Variants in RARRES2 observed in about 807,000 individuals in gnomAD.
RARRES2 encodes retinoic acid receptor responder protein 2.
Under a neutral mutation model 17.9 loss-of-function variants are expected in RARRES2, and 12 were observed. The observed-to-expected ratio is 0.67, with a 90% confidence interval of 0.43 to 1.08. RARRES2 has a LOEUF of 1.08. Among genes scored for constraint, RARRES2 ranks in the 50% least tolerant of loss-of-function variants. RARRES2 has a pLI of 0.00. For synonymous variants in RARRES2, 82 were observed against 86.8 expected (o/e 0.94, Z 0.31); for missense variants, 220 against 210.1 (o/e 1.05, Z -0.29).
At chr7:150,340,735 T>A in intron 1 of RARRES2, 106 bp from the exon 2 acceptor site, 7 of 956,262 alleles carry the variant, frequency 7.3e-6, no homozygotes, top group Non-Finnish European at 1.0e-5. Context: ...GGTCCAGGCC[T>A]GTAGAACGCT....
chr7:150,340,916 C>G (rs2129618623), intron 1 of RARRES2: 1 of 296,288 alleles, frequency 3.4e-6, no homozygotes, highest in African/African-American at 2.2e-5. Context: ...CCACCCTACA[C>G]CCCTAATCTT....
Position 150,338,969 on chromosome 7 carries a change from C to T in RARRES2, c.375+17G>A. 1 of 1,584,000 alleles carries T rather than the reference C, an allele frequency of 6.3e-7. No homozygotes were observed. Among genetic ancestry groups the T allele is most frequent in the Non-Finnish European group, 8.7e-7 (1 of 1,152,676 alleles). ...TCCCAGCCCTGTCACCACCTGTGCA[C>T]CCTTGCCCCTTCTTACCCGCAGAAC... On this transcript the variant is annotated intron_variant, in intron 4 of 5. Transcript: ENST00000223271.
chr7:150,340,215 AC>A lies in RARRES2; in HGVS notation c.175-12del. ...TCCAGCTGGGAAGGGCTGCGGACAGACAGGCAGGCAGAGGATGGCCGGTAGC... is the reference window on the plus strand; with the variant it reads ...TCCAGCTGGGAAGGGCTGCGGACAGAAGGCAGGCAGAGGATGGCCGGTAGC... On this transcript the variant is annotated splice_polypyrimidine_tract_variant and intron_variant, in intron 2 of 5. Coordinates refer to ENST00000223271, the MANE Select transcript of RARRES2 (RefSeq NM_002889.4). 6.2e-7 allele frequency: 1 copy of A among 1,613,636 alleles called. No individual in the cohort carries two copies. Among genetic ancestry groups the A allele is most frequent in the East Asian group, 2.2e-5 (1 of 44,882 alleles).
In RARRES2 at chr7:150,338,333, A is replaced by G. The variant is rs961642752; in HGVS notation, c.*117T>C. ...CACAAGGAGCTGAGAGGCAGCTGGGAGAGCAGCTTTATTATCATGGCTGGG... is the reference window on the plus strand; with the variant it reads ...CACAAGGAGCTGAGAGGCAGCTGGGGGAGCAGCTTTATTATCATGGCTGGG... On this transcript the variant is annotated 3_prime_UTR_variant, in exon 6 of 6. Transcript: ENST00000223271. The G allele has an allele frequency of 2.2e-6, 3 of 1,393,772 alleles. No individual in the cohort carries two copies. The highest frequency in any genetic ancestry group is 2.8e-6 in the Non-Finnish European group (3 of 1,056,446). 86.3% of individuals were successfully genotyped at this position (1,393,772 alleles called of 1,614,324 possible).
chr7:150,338,419 T>G lies in RARRES2; in HGVS notation c.*31A>C, dbSNP rs774567887. ...TTCCACTGGTTACCACCCGCAGCGG[T>G]CCTGGAGGCACCACGCATCTCTAGA... is the stretch of plus-strand genomic sequence containing the variant. On this transcript the variant is annotated 3_prime_UTR_variant, in exon 6 of 6. Coordinates refer to ENST00000223271, the MANE Select transcript of RARRES2 (RefSeq NM_002889.4). 6.6e-6 allele frequency: 10 copies of G among 1,520,110 alleles called. No homozygotes were observed. In the South Asian group the frequency reaches 9.6e-5, roughly 15 times the overall value. 94.2% of individuals were successfully genotyped at this position (1,520,110 alleles called of 1,614,324 possible).
chr7:150,339,997 C>T, intron 3 of RARRES2, 103 bp downstream of exon 3: 2 of 1,027,998 alleles, frequency 1.9e-6, no homozygotes, highest in African/African-American at 1.6e-5. Flanking sequence ...ATGGACCTCC[C>T]AATTCATGCA....
chr7:150,338,829 A>C, intron 4 of RARRES2, 88 bp from the exon 5 acceptor site: 1 of 1,570,472 alleles, frequency 6.4e-7, no homozygotes, highest in Non-Finnish European at 8.7e-7. Flanking sequence ...TCCCCTCCAC[A>C]TCCCTTGGAG....
At chr7:150,339,683 A>G (rs1474391989) in intron 3 of RARRES2, among the ~76,000 whole-genome samples, 1 of 144,902 alleles carries the variant, frequency 6.9e-6, no homozygotes, top group East Asian at 2.0e-4. Context: ...CAGCCCAGGC[A>G]TCACCCCCAC....
Position 150,339,017 on chromosome 7 carries a change from A to G in RARRES2, c.344T>C (p.Val115Ala). The G allele has an allele frequency of 2.5e-6, 4 of 1,613,018 alleles. No individual in the cohort carries two copies. Among genetic ancestry groups the G allele is most frequent in the Non-Finnish European group, 3.4e-6 (4 of 1,179,066 alleles). Residue 115 changes from valine (V) to alanine (A), a missense_variant, in exon 4 of 6, where the codon GTC becomes GCC. Coordinates refer to ENST00000223271, the MANE Select transcript of RARRES2 (RefSeq NM_002889.4). ...GSEDKVLGRL[V>A]HCPIETQVLR... ...AACTTGGGTCTCTATGGGGCAGTGG[A>G]CCAACCGGCCCAGAACTTTGTCCTC...
In RARRES2 at chr7:150,340,672, G is replaced by C. The variant is rs535178572; in HGVS notation, c.-20-43C>G. The C allele has an allele frequency of 2.9e-5, 41 of 1,426,658 alleles. 1 individual carries two copies. In the South Asian group the frequency reaches 5.3e-4, roughly 18 times the overall value. The allele number at this position is 1,426,658 out of a possible 1,614,324, so 88.4% of individuals were successfully genotyped here. On this transcript the variant is annotated intron_variant, in intron 1 of 5. Coordinates refer to ENST00000223271, the MANE Select transcript of RARRES2 (RefSeq NM_002889.4). The stretch of plus-strand genomic sequence containing the variant: ...GCCCCTCAGCTCTCCGAGCCAGCCC[G>C]AGCCGCCTCCTCCCGCGCCCTGCTC...
chr7:150,340,290 G>T (rs958805255), intron 2 of RARRES2, 86 bp from the exon 3 acceptor site: 4 of 1,551,134 alleles, frequency 2.6e-6, no homozygotes, highest in Non-Finnish European at 2.7e-6. Context: ...CCTCCCTCAC[G>T]CAGTCACATT....
At chr7:150,341,485 A>T (rs1363168488) in intron 1 of RARRES2, 93 bp downstream of exon 1, 1 of 151,556 alleles carries the variant, frequency 6.6e-6, no homozygotes, top group Non-Finnish European at 1.5e-5. Context: ...AAGAGCTGCC[A>T]GGGTGGTCGC....
rs778530572 is a variant in RARRES2, at chr7:150,340,572, C to A, written c.38G>T (p.Gly13Val). The part of the protein sequence containing the change: ...RLLIPLALWL[G>V]AVGVGVAELT... ...CTCGGCGACGCCCACGCCCACCGCA[C>A]CCAGCCACAGGGCCAGAGGGATCAG... Residue 13 changes from glycine (G) to valine (V), a missense_variant, in exon 2 of 6, where the codon GGT (glycine) becomes GTT (valine). Coordinates refer to ENST00000223271, the MANE Select transcript of RARRES2 (RefSeq NM_002889.4). 1.9e-6 allele frequency: 3 copies of A among 1,562,398 alleles called. No individual in the cohort carries two copies. The East Asian group carries it at 7.1e-5, about 37-fold the overall frequency.
intron 3 of RARRES2, 61 bp from the exon 4 acceptor site, chr7:150,339,142 C>T: frequency 1.4e-6 from 2 of 1,473,942 alleles, no homozygotes; most frequent in Non-Finnish European, 9.5e-7. Context: ...GCCTGGGCAT[C>T]ATGAGGGTGG....
rs1047586 is a variant in RARRES2, at chr7:150,338,370, T to G, written c.*80A>C. 0.26 allele frequency: 383,220 copies of G among 1,473,262 alleles called. 50,990 individuals are homozygous for G. Among genetic ancestry groups the G allele is most frequent in the East Asian group, 0.33 (11,655 of 35,044 alleles). The allele number at this position is 1,473,262 out of a possible 1,614,324, so 91.3% of individuals were successfully genotyped here. Reference sequence around the variant, plus strand: ...TTATCATGGCTGGGGATAGAACGGGTTCCTCTCCCTGGGGGCTGGGGTCTT... The same window carrying G: ...TTATCATGGCTGGGGATAGAACGGGGTCCTCTCCCTGGGGGCTGGGGTCTT... On this transcript the variant is annotated 3_prime_UTR_variant, in exon 6 of 6. Coordinates refer to ENST00000223271, the MANE Select transcript of RARRES2 (RefSeq NM_002889.4).
At chr7:150,340,862 A>T (rs1798471806) in intron 1 of RARRES2, 1 of 420,778 alleles carries the variant, frequency 2.4e-6, no homozygotes, top group South Asian at 5.1e-5. Context: ...CTGCAGTTTT[A>T]GCAAAGTTCC....
intron 2 of RARRES2, 22 bp downstream of exon 2, chr7:150,340,414 C>T (rs368891990): frequency 2.0e-5 from 31 of 1,579,666 alleles, no homozygotes; most frequent in Non-Finnish European, 2.6e-5. Flanking sequence ...CTCCCCGCTC[C>T]TGCCCGGGCC....
chr7:150,338,601 C>A lies in RARRES2; in HGVS notation c.*10+14G>T, dbSNP rs757254992. 1 of 1,551,414 alleles carries A rather than the reference C, an allele frequency of 6.4e-7. No homozygotes were observed. The highest frequency in any genetic ancestry group is 1.2e-5 in the South Asian group (1 of 83,972). On this transcript the variant is annotated intron_variant, in intron 5 of 5. Transcript: ENST00000223271. ...GCCTCATCCAGACGGTGCTCTCAGC[C>A]CCCTGGTGCCTACCAGTGCTGGCTT...
At position 150,340,641 on chromosome 7, in the gene RARRES2, G is replaced by A; in HGVS notation, c.-20-12C>T. 1 of 1,473,048 alleles carries A rather than the reference G, an allele frequency of 6.8e-7. No homozygotes were observed. The highest frequency in any genetic ancestry group is 1.3e-5 in the South Asian group (1 of 74,860). 91.2% of individuals were successfully genotyped at this position (1,473,048 alleles called of 1,614,324 possible). A position where few individuals can be genotyped will look rare whatever the true frequency, so the allele number is the denominator to read the frequency against. Reference sequence around the variant, plus strand: ...GTGTCACCCTGGCCCTGCGAAGCGGGTGTGCGCCCCTCAGCTCTCCGAGCC... The same window carrying A: ...GTGTCACCCTGGCCCTGCGAAGCGGATGTGCGCCCCTCAGCTCTCCGAGCC... On this transcript the variant is annotated splice_polypyrimidine_tract_variant and intron_variant, in intron 1 of 5. Coordinates refer to ENST00000223271, the MANE Select transcript of RARRES2 (RefSeq NM_002889.4).
Sources: allele counts gnomAD v4.1 joint callset (sites outside exome capture counted in the v4.1 genomes callset), GRCh38; gene constraint gnomAD v4.1.1; transcripts MANE v1.5; gene names NCBI Gene and HGNC (gene_info 2026-07-23, HGNC 2026-07-21).